Variants in SLC41A3 observed in about 807,000 individuals in gnomAD.
SLC41A3 encodes SLC41A1-like 2.
In SLC41A3, 44 loss-of-function variants were observed where a neutral mutation model predicts 45.4. The ratio of observed to expected loss-of-function variants is 0.97; its 90% CI spans 0.76 to 1.25. The LOEUF is 1.25. SLC41A3 is among the 50% of genes most tolerant of loss of function. The probability of loss-of-function intolerance (pLI) is 0.00; values close to 1 mark genes in which losing one functional copy is unlikely to be tolerated. For missense variants in SLC41A3, 550 were observed against 600.6 expected, an observed-to-expected ratio of 0.92 and a Z score of 0.88; for synonymous variants, 256 against 252.4, an observed-to-expected ratio of 1.01 and a Z score of -0.13.
intron 7 of SLC41A3, among the ~76,000 whole-genome samples, 169 bp from the exon 8 acceptor site, chr3:126,015,742 T>C (rs1940214188): frequency 6.6e-6 from 1 of 152,154 alleles, no homozygotes; most frequent in Non-Finnish European, 1.5e-5. Context: ...CCAGCATCCT[T>C]TGCACCCTGC....
upstream of SLC41A3, among the ~76,000 whole-genome samples, chr3:126,084,985 A>T (rs1945344706): frequency 6.6e-6 from 1 of 152,228 alleles, no homozygotes; most frequent in African/African-American, 2.4e-5. Context: ...TTCTCTCTGA[A>T]GCCTGCTACC....
rs1944443376 is a variant in SLC41A3, at chr3:126,068,091, A to AGG, written c.127_128dup (p.Glu44LeufsTer6). The AGG allele has an allele frequency of 6.2e-7, 1 of 1,613,524 alleles. No individual in the cohort carries two copies. ...GCTTGGGGGTCACGCTTTGGCTCTC[A>AGG]GGGGCCCTGAGAGCTCCATCTTCTG... On this transcript the variant is annotated frameshift_variant, in exon 2 of 11. Coordinates refer to ENST00000360370, the MANE Select transcript of SLC41A3 (RefSeq NM_017836.4). LOFTEE classifies it high-confidence loss of function.
chr3:126,008,747 C>A lies in SLC41A3; in HGVS notation c.1239G>T (p.Leu413=). ...NSQTFVVLYL[L]AGLIQVTILL... ...CCAGGCTTACCTGGATCAGGCCTGCCAGCAGGTAGAGCACCACAAAGGTCT... is the reference window on the plus strand; with the variant it reads ...CCAGGCTTACCTGGATCAGGCCTGCAAGCAGGTAGAGCACCACAAAGGTCT... Residue 413 remains leucine, a synonymous_variant, in exon 10 of 11, where the codon CTG becomes CTT. Coordinates refer to ENST00000360370, the MANE Select transcript of SLC41A3 (RefSeq NM_017836.4). 6.2e-7 allele frequency: 1 copy of A among 1,613,996 alleles called. No homozygotes were observed. Among genetic ancestry groups the A allele is most frequent in the East Asian group, 2.2e-5 (1 of 44,884 alleles).
At chr3:126,040,451 C>T (rs757242525) in intron 3 of SLC41A3, among the ~76,000 whole-genome samples, 1 of 152,238 alleles carries the variant, frequency 6.6e-6, no homozygotes, top group East Asian at 1.9e-4. Context: ...AGAGGAAAGG[C>T]CTATTGCAAA....
intron 8 of SLC41A3, among the ~76,000 whole-genome samples, chr3:126,014,895 C>G (rs1165592780): frequency 3.3e-5 from 5 of 152,006 alleles, no homozygotes; most frequent in Non-Finnish European, 5.9e-5. Flanking sequence ...AGGGTGTAGG[C>G]CTAGGAGGTA....
chr3:126,089,021 T>C (rs1945442945), upstream of SLC41A3, among the ~76,000 whole-genome samples: 1 of 152,196 alleles, frequency 6.6e-6, no homozygotes, highest in South Asian at 2.1e-4. Context: ...CCCAGCTCTC[T>C]GTATAAAATA....
intron 4 of SLC41A3, among the ~76,000 whole-genome samples, chr3:126,028,644 A>G (rs1941558643): frequency 6.6e-6 from 1 of 152,226 alleles, no homozygotes; most frequent in African/African-American, 2.4e-5. Context: ...AAGCTGGGAG[A>G]AGAGGGTCCC....
intron 1 of SLC41A3, 43 bp downstream of exon 1, chr3:126,084,050 C>G (rs918050338): frequency 6.6e-6 from 1 of 152,008 alleles, no homozygotes; most frequent in African/African-American, 2.4e-5. Flanking sequence ...CCAGCTGACC[C>G]CACCTTCCGC....
intron 6 of SLC41A3, 47 bp downstream of exon 6, chr3:126,022,739 C>A (rs150208807): frequency 1.7e-5 from 27 of 1,609,024 alleles, no homozygotes; most frequent in South Asian, 3.3e-5. Context: ...GCTCCAGGGC[C>A]CCCCCTCCAC....
intron 9 of SLC41A3, 125 bp downstream of exon 9, chr3:126,012,490 T>C: frequency 1.6e-6 from 2 of 1,256,456 alleles, no homozygotes; most frequent in Middle Eastern, 2.8e-4. Context: ...GCCCTGAAGG[T>C]GATGTGTGCC....
intron 1 of SLC41A3, among the ~76,000 whole-genome samples, chr3:126,098,142 C>A (rs766717549): frequency 1.3e-5 from 2 of 152,320 alleles, no homozygotes. Flanking sequence ...TGGGTCCCTG[C>A]AAATTCATAT....
chr3:126,013,249 A>G (rs1398145829), intron 8 of SLC41A3, among the ~76,000 whole-genome samples: 1 of 151,628 alleles, frequency 6.6e-6, no homozygotes, highest in African/African-American at 2.4e-5. Context: ...AGAGAGGAGG[A>G]ATGAAGACAG....
chr3:126,053,794 C>A (rs565279660), intron 2 of SLC41A3, among the ~76,000 whole-genome samples: 14 of 151,968 alleles, frequency 9.2e-5, no homozygotes, highest in Admixed American at 6.6e-4. Flanking sequence ...CTTTGGACAC[C>A]CCACAAGCAC....
chr3:126,016,088 A>G (rs1387144692), intron 7 of SLC41A3, among the ~76,000 whole-genome samples: 1 of 152,220 alleles, frequency 6.6e-6, no homozygotes, highest in Non-Finnish European at 1.5e-5. Flanking sequence ...GCCTCCTGGA[A>G]GCAAGGATAC....
In SLC41A3 at chr3:126,068,231, T is replaced by G; in HGVS notation, c.-12A>C. On this transcript the variant is annotated 5_prime_UTR_variant, in exon 2 of 11. Coordinates refer to ENST00000360370, the MANE Select transcript of SLC41A3 (RefSeq NM_017836.4). ...TCTGTCCCATCCATCTGGGCACAGC[T>G]GGGCGCCTGGCAGCCCTACAGTGGG... The G allele has an allele frequency of 6.6e-7, 1 of 1,504,474 alleles. No individual in the cohort carries two copies. Among genetic ancestry groups the G allele is most frequent in the Non-Finnish European group, 8.9e-7 (1 of 1,127,782 alleles). 93.2% of individuals were successfully genotyped at this position (1,504,474 alleles called of 1,614,324 possible). A position where few individuals can be genotyped will look rare whatever the true frequency, so the allele number is the denominator to read the frequency against.
At position 126,015,590 on chromosome 3, in the gene SLC41A3, C is replaced by T; in HGVS notation, c.891-17G>A. On this transcript the variant is annotated splice_polypyrimidine_tract_variant and intron_variant, in intron 7 of 10. Coordinates refer to ENST00000360370, the MANE Select transcript of SLC41A3 (RefSeq NM_017836.4). ...CCTCCGAAACTGGGGAAATAGCAGA[C>T]AGCAGTCAAGTTATCAGAGTTTACA... 6.2e-7 allele frequency: 1 copy of T among 1,613,694 alleles called. No homozygotes were observed. Among genetic ancestry groups the T allele is most frequent in the Non-Finnish European group, 8.5e-7 (1 of 1,179,596 alleles).
In SLC41A3 at chr3:126,022,934, T is replaced by C. The variant is rs138157075; in HGVS notation, c.599-2A>G. 6.2e-7 allele frequency: 1 copy of C among 1,613,860 alleles called. No homozygotes were observed. The highest frequency in any genetic ancestry group is 8.5e-7 in the Non-Finnish European group (1 of 1,179,938). ...TCACTATACAGACCATCAGCACCCCTGCAGAGAGAGAGAGGAGAAACAGCA... is the reference window on the plus strand; with the variant it reads ...TCACTATACAGACCATCAGCACCCCCGCAGAGAGAGAGAGGAGAAACAGCA... On this transcript the variant is annotated splice_acceptor_variant, in intron 5 of 10. Coordinates refer to ENST00000360370, the MANE Select transcript of SLC41A3 (RefSeq NM_017836.4). LOFTEE classifies it high-confidence loss of function.
intron 4 of SLC41A3, among the ~76,000 whole-genome samples, chr3:126,028,944 T>TC (rs1325647313): frequency 1.1e-4 from 17 of 152,370 alleles, no homozygotes; most frequent in African/African-American, 4.1e-4. Flanking sequence ...GGCTGATTTC[T>TC]CCCCTTTGAA....
intron 4 of SLC41A3, among the ~76,000 whole-genome samples, chr3:126,028,501 G>A (rs1342134611): frequency 6.6e-6 from 1 of 152,284 alleles, no homozygotes; most frequent in Non-Finnish European, 1.5e-5. Context: ...GAGGATGTAT[G>A]GAAAAGCCTG....
Sources: allele counts gnomAD v4.1 joint callset (sites outside exome capture counted in the v4.1 genomes callset), GRCh38; gene constraint gnomAD v4.1.1; transcripts MANE v1.5; gene names NCBI Gene and HGNC (gene_info 2026-07-23, HGNC 2026-07-21).